Variants in LRRFIP1 observed in about 807,000 individuals in gnomAD.
LRRFIP1 encodes LRR binding FLII interacting protein 1, also known as leucine-rich repeat flightless-interacting protein 1.
A neutral mutation model predicts 104.4 loss-of-function variants in LRRFIP1; 62 were observed. The ratio of observed to expected loss-of-function variants is 0.59; its 90% CI spans 0.48 to 0.73. LRRFIP1 has a LOEUF of 0.73. Among genes scored for constraint, LRRFIP1 ranks in the 30% least tolerant of loss-of-function variants. The pLI, the probability that LRRFIP1 is intolerant of heterozygous loss-of-function variation, is 0.00. For synonymous variants in LRRFIP1, 300 were observed against 299.0 expected (o/e 1.00, Z -0.03); for missense variants, 796 against 824.5 (o/e 0.97, Z 0.42).
chr2:237,693,452 G>T (rs1210960096), intron 1 of LRRFIP1, among the ~76,000 whole-genome samples: 1 of 152,182 alleles, frequency 6.6e-6, no homozygotes, highest in Non-Finnish European at 1.5e-5. Flanking sequence ...ATACTGAAAA[G>T]CCAGTTCTTT....
At chr2:237,778,334 G>A (rs2061264481) in intron 23 of LRRFIP1, among the ~76,000 whole-genome samples, 1 of 152,182 alleles carries the variant, frequency 6.6e-6, no homozygotes, top group African/African-American at 2.4e-5. Context: ...CATAGACCCT[G>A]TTCTTGTCAC....
At chr2:237,759,447 A>G (rs977490959) in intron 18 of LRRFIP1, among the ~76,000 whole-genome samples, 1 of 152,130 alleles carries the variant, frequency 6.6e-6, no homozygotes, top group African/African-American at 2.4e-5. Context: ...AAGATTCGTA[A>G]TTCTGCTCCT....
rs572668463 is a variant in LRRFIP1, at chr2:237,693,723, T to C, written c.97-14821T>C. 2.0e-5 allele frequency among the ~76,000 whole-genome samples: 3 copies of C among 152,150 alleles called. No individual in the cohort carries two copies. The South Asian group carries it at 6.2e-4, about 32-fold the overall frequency. On this transcript the variant is annotated intron_variant, in intron 1 of 23. Coordinates refer to ENST00000308482, the MANE Select transcript of LRRFIP1 (RefSeq NM_001137550.2). ...GACACCATAGATGGCAGGAGGAGGATGGAGGTGAAGAGCTGCCTGCTGGAC... is the reference window on the plus strand; with the variant it reads ...GACACCATAGATGGCAGGAGGAGGACGGAGGTGAAGAGCTGCCTGCTGGAC...
At chr2:237,642,696 G>A (rs1457275164) in intron 1 of LRRFIP1, among the ~76,000 whole-genome samples, 1 of 152,100 alleles carries the variant, frequency 6.6e-6, no homozygotes, top group East Asian at 1.9e-4. Flanking sequence ...TTGGTTCCAG[G>A]TTCCAGGCTC....
intron 1 of LRRFIP1, among the ~76,000 whole-genome samples, chr2:237,656,339 G>C (rs1392456829): frequency 1.3e-5 from 2 of 152,050 alleles, no homozygotes; most frequent in African/African-American, 4.8e-5. Flanking sequence ...GCAGGGGTAG[G>C]GCATGAGTTT....
At chr2:237,762,559 C>CGCCA in intron 19 of LRRFIP1, 1 of 1,461,656 alleles carries the variant, frequency 6.8e-7, no homozygotes, top group Non-Finnish European at 9.3e-7. Context: ...ATTATGTGGC[C>CGCCA]GCCACATCAT....
chr2:237,778,992 G>A (rs2061326974), intron 23 of LRRFIP1, among the ~76,000 whole-genome samples: 1 of 152,028 alleles, frequency 6.6e-6, no homozygotes, highest in African/African-American at 2.4e-5. Context: ...GGGAGGCCAA[G>A]GCGGACAGAT....
At chr2:237,680,238 T>C (rs1192651496) in intron 1 of LRRFIP1, among the ~76,000 whole-genome samples, 1 of 152,056 alleles carries the variant, frequency 6.6e-6, no homozygotes, top group African/African-American at 2.4e-5. Flanking sequence ...AGGCCTGCAA[T>C]CCCAGCACTT....
chr2:237,651,009 A>G (rs2085853245), intron 1 of LRRFIP1, among the ~76,000 whole-genome samples: 1 of 152,158 alleles, frequency 6.6e-6, no homozygotes, highest in African/African-American at 2.4e-5. Flanking sequence ...TGATTAGGGG[A>G]GTTCAGAGGC....
chr2:237,667,857 G>T (rs1354342750), intron 1 of LRRFIP1, among the ~76,000 whole-genome samples: 1 of 152,070 alleles, frequency 6.6e-6, no homozygotes, highest in African/African-American at 2.4e-5. Context: ...CATTCACTCA[G>T]GCTCCGTCAG....
rs1355990753 is a variant in LRRFIP1, at chr2:237,749,227, C to T, written c.698C>T (p.Ala233Val). The T allele has an allele frequency of 1.2e-6, 2 of 1,613,796 alleles. No individual in the cohort carries two copies. The highest frequency in any genetic ancestry group is 1.3e-5 in the African/African-American group (1 of 75,028). Residue 233 changes from alanine (A) to valine (V), a missense_variant, in exon 13 of 24, where the codon GCA (alanine) becomes GTA (valine). Ala to Val is a moderately conservative substitution (Grantham distance 64, BLOSUM62 0). Transcript: ENST00000308482. The part of the protein sequence containing the change: ...KGSRNMPGLS[A>V]ATLASLGGTS... ...TCTCGTAACATGCCGGGCCTGTCTG[C>T]AGCCACGCTGGCCTCTCTGGGTGGG...
intron 1 of LRRFIP1, among the ~76,000 whole-genome samples, chr2:237,647,849 C>G (rs575262274): frequency 6.6e-6 from 1 of 151,926 alleles, no homozygotes; most frequent in Non-Finnish European, 1.5e-5. Context: ...ACTCACTGCA[C>G]GCAGGGTTTT....
At chr2:237,705,860 C>T (rs1420352057) in intron 1 of LRRFIP1, among the ~76,000 whole-genome samples, 1 of 152,140 alleles carries the variant, frequency 6.6e-6, no homozygotes, top group Non-Finnish European at 1.5e-5. Context: ...GTCAGTCAGC[C>T]AGGGGCTGCT....
chr2:237,682,679 C>T (rs1184156736), intron 1 of LRRFIP1, among the ~76,000 whole-genome samples: 1 of 152,230 alleles, frequency 6.6e-6, no homozygotes, highest in African/African-American at 2.4e-5. Context: ...GAAATCTCAA[C>T]TCCCCACTTC....
intron 13 of LRRFIP1, 136 bp from the exon 14 acceptor site, chr2:237,751,064 C>T: frequency 3.4e-6 from 2 of 596,734 alleles, no homozygotes; most frequent in South Asian, 2.3e-5. Context: ...GTTTATTTTC[C>T]CTTAACGCTT....
chr2:237,654,356 A>G (rs1243180173), intron 1 of LRRFIP1, among the ~76,000 whole-genome samples: 2 of 152,218 alleles, frequency 1.3e-5, no homozygotes, highest in East Asian at 3.8e-4. Flanking sequence ...AAATGAAAAG[A>G]GATAACAAGT....
At chr2:237,683,566 T>C (rs926637127) in intron 1 of LRRFIP1, 1 of 152,268 alleles carries the variant, frequency 6.6e-6, no homozygotes, top group Non-Finnish European at 1.5e-5. Flanking sequence ...AGAACATTTT[T>C]TGTACTCGAA....
intron 22 of LRRFIP1, among the ~76,000 whole-genome samples, chr2:237,773,335 C>T (rs773508969): frequency 3.2e-4 from 48 of 152,048 alleles, no homozygotes; most frequent in Admixed American, 1.4e-3. Flanking sequence ...GTCGAGAGTT[C>T]GAGACCAGCC....
intron 1 of LRRFIP1, among the ~76,000 whole-genome samples, chr2:237,693,659 T>C (rs1310759583): frequency 6.6e-6 from 1 of 151,978 alleles, no homozygotes; most frequent in Non-Finnish European, 1.5e-5. Context: ...AGGGTGGGAA[T>C]GTGGTTGAGC....
Sources: allele counts gnomAD v4.1 joint callset (sites outside exome capture counted in the v4.1 genomes callset), GRCh38; gene constraint gnomAD v4.1.1; transcripts MANE v1.5; gene names NCBI Gene and HGNC (gene_info 2026-07-23, HGNC 2026-07-21).